Variants in NME7 observed in about 807,000 individuals in gnomAD.
NME7 encodes the protein NME/NM23 family member 7.
A neutral mutation model predicts 49.1 loss-of-function variants in NME7; 41 were observed. The ratio of observed to expected loss-of-function variants is 0.83; its 90% CI spans 0.65 to 1.08. NME7 has a LOEUF of 1.08. Among genes scored for constraint, NME7 ranks in the 50% least tolerant of loss-of-function variants. NME7 has a pLI of 0.00. For missense variants in NME7, 423 were observed against 463.4 expected (o/e 0.91, Z 0.80); for synonymous variants, 139 against 150.6 (o/e 0.92, Z 0.56).
chr1:169,313,826 C>T (rs1233701194), intron 3 of NME7, among the ~76,000 whole-genome samples: 2 of 152,062 alleles, frequency 1.3e-5, no homozygotes, highest in African/African-American at 2.4e-5. Flanking sequence ...GACTAAAAGA[C>T]AAGCTACAAA....
At chr1:169,166,970 T>G (rs984215651) in intron 11 of NME7, among the ~76,000 whole-genome samples, 2 of 152,158 alleles carry the variant, frequency 1.3e-5, no homozygotes, top group African/African-American at 4.8e-5. Context: ...AGACTCCCTC[T>G]CAATAAATAA....
chr1:169,346,036 A>T (rs890746476), intron 1 of NME7, among the ~76,000 whole-genome samples: 8 of 152,096 alleles, frequency 5.3e-5, no homozygotes, highest in Non-Finnish European at 1.5e-5. Context: ...CTACCTGCAA[A>T]ACATATACAC....
chr1:169,280,732 G>A (rs770282828), intron 7 of NME7, among the ~76,000 whole-genome samples: 1 of 147,644 alleles, frequency 6.8e-6, no homozygotes, highest in Non-Finnish European at 1.5e-5. Context: ...CATTGCTTGT[G>A]TGTGTCAGGT....
At chr1:169,282,830 T>G (rs1650080082) in intron 7 of NME7, among the ~76,000 whole-genome samples, 1 of 152,198 alleles carries the variant, frequency 6.6e-6, no homozygotes, top group Non-Finnish European at 1.5e-5. Flanking sequence ...ATAATTTCCA[T>G]TCTTTTGCAC....
chr1:169,339,736 G>GC (rs1557829612), intron 1 of NME7, among the ~76,000 whole-genome samples: 1 of 152,116 alleles, frequency 6.6e-6, no homozygotes, highest in Non-Finnish European at 1.5e-5. Context: ...CCTGTTCTAA[G>GC]CCTGGTCAGC....
chr1:169,310,806 C>T (rs1026854685), intron 3 of NME7: 2 of 152,168 alleles, frequency 1.3e-5, no homozygotes, highest in Non-Finnish European at 2.9e-5. Context: ...TGGTCAGCAA[C>T]ATTTTCAGGA....
chr1:169,237,578 G>T (rs897527152), intron 8 of NME7, 45 bp downstream of exon 8: 3 of 1,437,792 alleles, frequency 2.1e-6, no homozygotes, highest in African/African-American at 1.4e-5. Context: ...AACTATTTTT[G>T]AAAAAAATCC....
At chr1:169,319,038 AATTTTAATTTT>A (rs1476266644) in intron 3 of NME7, among the ~76,000 whole-genome samples, 2 of 146,756 alleles carry the variant, frequency 1.4e-5, no homozygotes, top group African/African-American at 5.4e-5. Flanking sequence ...ATTTAATTTT[AATTTTAATTTT>A]AATTTTAATT....
intron 6 of NME7, among the ~76,000 whole-genome samples, chr1:169,288,744 T>C (rs895392124): frequency 6.6e-6 from 1 of 152,188 alleles, no homozygotes; most frequent in African/African-American, 2.4e-5. Context: ...ATCATATTGC[T>C]GCCATTATTT....
chr1:169,287,496 T>C, intron 6 of NME7, 88 bp from the exon 7 acceptor site: 1 of 953,642 alleles, frequency 1.0e-6, no homozygotes, highest in South Asian at 2.1e-5. Context: ...AATCATGCAA[T>C]TACTTTTAGA....
chr1:169,217,139 G>T (rs2101801280), intron 10 of NME7, among the ~76,000 whole-genome samples: 1 of 152,212 alleles, frequency 6.6e-6, no homozygotes, highest in East Asian at 1.9e-4. Flanking sequence ...TATATGCAAA[G>T]AAATCAAAAC....
intron 1 of NME7, among the ~76,000 whole-genome samples, chr1:169,346,920 G>C (rs1287890543): frequency 6.6e-6 from 1 of 152,200 alleles, no homozygotes; most frequent in East Asian, 1.9e-4. Flanking sequence ...CTCTTTGCCA[G>C]GCACTGCAAC....
At chr1:169,254,712 T>G (rs1199064703) in intron 7 of NME7, among the ~76,000 whole-genome samples, 2 of 145,282 alleles carry the variant, frequency 1.4e-5, no homozygotes, top group Non-Finnish European at 3.0e-5. Flanking sequence ...GTGCTATAAA[T>G]TTCCCTCTAC....
At chr1:169,196,935 A>G (rs1197070037) in intron 10 of NME7, among the ~76,000 whole-genome samples, 2 of 152,190 alleles carry the variant, frequency 1.3e-5, no homozygotes, top group Non-Finnish European at 2.9e-5. Flanking sequence ...AAAATATTTT[A>G]TATAATAAGA....
At chr1:169,161,276 C>T (rs971886370) in intron 11 of NME7, among the ~76,000 whole-genome samples, 1 of 152,174 alleles carries the variant, frequency 6.6e-6, no homozygotes, top group Non-Finnish European at 1.5e-5. Context: ...AAGCTGTTTG[C>T]TTTTGTATTT....
intron 10 of NME7, among the ~76,000 whole-genome samples, chr1:169,188,592 A>G (rs1188799650): frequency 1.3e-5 from 2 of 152,218 alleles, no homozygotes; most frequent in African/African-American, 4.8e-5. Context: ...ACATACAATA[A>G]CCACATTCCA....
In NME7 at chr1:169,264,680, CCTACTG is replaced by C. The variant is rs1389428307; in HGVS notation, c.754+22617_754+22622del. Among the ~76,000 whole-genome samples the C allele has an allele frequency of 2.3e-5, 3 of 132,878 alleles. 1 individual carries two copies. The East Asian group carries it at 6.0e-4, about 27-fold the overall frequency. The allele number at this position is 132,878 out of a possible 152,430, so 87.2% of individuals were successfully genotyped here. On this transcript the variant is annotated intron_variant, in intron 7 of 11. Transcript: ENST00000367811. ...CAATAATAGTGGGAGACATCAACACCCTACTGACAGTAATAGATCATTGAGGCAGAA... is the reference window on the plus strand; with the variant it reads ...CAATAATAGTGGGAGACATCAACACCACAGTAATAGATCATTGAGGCAGAA...
intron 5 of NME7, among the ~76,000 whole-genome samples, chr1:169,300,544 T>C (rs1650898073): frequency 6.6e-6 from 1 of 152,154 alleles, no homozygotes; most frequent in Non-Finnish European, 1.5e-5. Context: ...TTTAATTACA[T>C]GTCAAATATT....
chr1:169,212,300 C>T (rs931915635), intron 10 of NME7, among the ~76,000 whole-genome samples: 2 of 151,830 alleles, frequency 1.3e-5, no homozygotes, highest in East Asian at 1.9e-4. Flanking sequence ...TAATAAATTG[C>T]TATTAAATAC....
Sources: allele counts gnomAD v4.1 joint callset (sites outside exome capture counted in the v4.1 genomes callset), GRCh38; gene constraint gnomAD v4.1.1; transcripts MANE v1.5; gene names NCBI Gene and HGNC (gene_info 2026-07-23, HGNC 2026-07-21).